The following M1AP variants were observed in gnomAD, a reference collection of about 807,000 sequenced individuals.
M1AP encodes the protein meiosis 1 associated protein.
M1AP carries 39 observed loss-of-function variants against 51.2 expected under a neutral mutation model. That is an observed-to-expected ratio of 0.76 (90% CI 0.59 to 1.00). The LOEUF (loss-of-function observed/expected upper bound fraction) is 1.00, where lower values mean the gene tolerates loss of function less well. Among genes scored for constraint, M1AP ranks in the 50% least tolerant of loss-of-function variants. The pLI, the probability that M1AP is intolerant of heterozygous loss-of-function variation, is 0.00. For missense variants in M1AP, 545 were observed against 641.2 expected, an observed-to-expected ratio of 0.85 and a Z score of 1.62; for synonymous variants, 251 against 249.2, an observed-to-expected ratio of 1.01 and a Z score of -0.07.
At chr2:74,571,141 T>A (rs1050868655) in intron 7 of M1AP, among the ~76,000 whole-genome samples, 1 of 151,696 alleles carries the variant, frequency 6.6e-6, no homozygotes, top group Non-Finnish European at 1.5e-5. Flanking sequence ...GAGAGAGAGA[T>A]TGGAGGCAGG....
intron 2 of M1AP, among the ~76,000 whole-genome samples, chr2:74,624,621 CA>C (rs1682265713): frequency 6.6e-6 from 1 of 152,238 alleles, no homozygotes; most frequent in Admixed American, 6.5e-5. Flanking sequence ...GGTATTTTAT[CA>C]GCATAAATGT....
intron 2 of M1AP, among the ~76,000 whole-genome samples, chr2:74,638,998 A>G (rs1683139969): frequency 6.6e-6 from 1 of 152,228 alleles, no homozygotes; most frequent in African/African-American, 2.4e-5. Flanking sequence ...GTAACAATGC[A>G]CAGACAAAAT....
chr2:74,625,701 A>G (rs1682341577), intron 2 of M1AP, among the ~76,000 whole-genome samples: 2 of 152,218 alleles, frequency 1.3e-5, no homozygotes, highest in East Asian at 1.9e-4. Flanking sequence ...GTATAGGGAC[A>G]CCTAATGGTG....
intron 1 of M1AP, among the ~76,000 whole-genome samples, chr2:74,640,613 A>C (rs1169026256): frequency 1.3e-5 from 2 of 152,132 alleles, no homozygotes; most frequent in African/African-American, 4.8e-5. Context: ...GGTGCACACC[A>C]CCACGCCCAG....
In M1AP at chr2:74,569,377, C is replaced by CTTT. The variant is rs1196526014; in HGVS notation, c.1074+6058_1074+6060dup. Among the ~76,000 whole-genome samples the CTTT allele has an allele frequency of 1.6e-4, 21 of 128,676 alleles. 1 individual carries two copies. Among genetic ancestry groups the CTTT allele is most frequent in the Non-Finnish European group, 2.5e-4 (15 of 59,700 alleles). The allele number at this position is 128,676 out of a possible 152,430, so 84.4% of individuals were successfully genotyped here. A position where few individuals can be genotyped will look rare whatever the true frequency, so the allele number is the denominator to read the frequency against. ...GTCATGCACCTTCTCCCTCACTCTA[C>CTTT]TTTTTTTTTTTTTTTTTTTTTGAGA... On this transcript the variant is annotated intron_variant, in intron 7 of 10. Transcript: ENST00000421985.
At chr2:74,573,091 G>T (rs1678844795) in intron 7 of M1AP, among the ~76,000 whole-genome samples, 1 of 152,100 alleles carries the variant, frequency 6.6e-6, no homozygotes, top group South Asian at 2.1e-4. Context: ...CTGTTGCCCA[G>T]GCTGGAGTGC....
At chr2:74,631,265 TC>T (rs1682687317) in intron 2 of M1AP, among the ~76,000 whole-genome samples, 1 of 152,226 alleles carries the variant, frequency 6.6e-6, no homozygotes, top group Non-Finnish European at 1.5e-5. Flanking sequence ...TTTTATTTTT[TC>T]TGTATGTTTG....
intron 1 of M1AP, among the ~76,000 whole-genome samples, chr2:74,644,563 T>G: frequency 6.6e-6 from 1 of 151,464 alleles, no homozygotes; most frequent in East Asian, 1.9e-4. Context: ...AATACATAGA[T>G]AGATGTATTT....
chr2:74,561,127 A>AGGAGGAGGAGGAGGAGG (rs1677928690), intron 8 of M1AP, among the ~76,000 whole-genome samples: 1 of 22,372 alleles, frequency 4.5e-5, no homozygotes, highest in African/African-American at 1.9e-4. Flanking sequence ...GGAGGAGGAG[A>AGGAGGAGGAGGAGGAGG]AGGAGGAGGA....
intron 7 of M1AP, among the ~76,000 whole-genome samples, chr2:74,570,787 A>G (rs1007096326): frequency 6.6e-6 from 1 of 152,216 alleles, no homozygotes; most frequent in African/African-American, 2.4e-5. Context: ...AGGCTAAGGA[A>G]TATGGACTTT....
rs563889075 is a variant in M1AP at position 74,646,268 on chromosome 2, T to C, written c.-53+1997A>G. ...AAAAACAAAAACTGAAAGAGGAAAC[T>C]AGCCGATAAAAGGAGCAGCAAAGAA... is the stretch of plus-strand genomic sequence containing the variant. On this transcript the variant is annotated intron_variant, in intron 1 of 10. Transcript: ENST00000421985. 3.9e-5 allele frequency among the ~76,000 whole-genome samples: 6 copies of C among 152,248 alleles called. No homozygotes were observed. In the South Asian group the frequency reaches 1.2e-3, roughly 32 times the overall value.
At chr2:74,567,894 T>C (rs959375919) in intron 7 of M1AP, among the ~76,000 whole-genome samples, 2 of 152,080 alleles carry the variant, frequency 1.3e-5, no homozygotes, top group Non-Finnish European at 2.9e-5. Context: ...GAAAAGCAAG[T>C]GAAATACCTG....
chr2:74,568,287 A>G (rs1307663987), intron 7 of M1AP, among the ~76,000 whole-genome samples: 1 of 152,264 alleles, frequency 6.6e-6, no homozygotes, highest in Non-Finnish European at 1.5e-5. Context: ...TAAGTGGGTT[A>G]CAGTGGCCAG....
intron 3 of M1AP, among the ~76,000 whole-genome samples, chr2:74,608,788 T>C (rs1396276502): frequency 6.6e-6 from 1 of 152,260 alleles, no homozygotes; most frequent in African/African-American, 2.4e-5. Flanking sequence ...TTAATAGGTA[T>C]GTGGTGGTAT....
intron 4 of M1AP, among the ~76,000 whole-genome samples, chr2:74,602,163 C>T (rs567036912): frequency 1.3e-5 from 2 of 151,970 alleles, no homozygotes; most frequent in East Asian, 3.9e-4. Context: ...CTATTTTAGC[C>T]GATGTCACAG....
At chr2:74,637,776 C>T (rs1007126848) in intron 2 of M1AP, among the ~76,000 whole-genome samples, 19 of 152,114 alleles carry the variant, frequency 1.2e-4, no homozygotes, top group Admixed American at 9.2e-4. Context: ...TATCAGGTAC[C>T]ACTGTCTCTA....
In M1AP at chr2:74,573,586, C is replaced by T. The variant is rs547937235; in HGVS notation, c.1074+1852G>A. On this transcript the variant is annotated intron_variant, in intron 7 of 10. Coordinates refer to ENST00000421985, the MANE Select transcript of M1AP (RefSeq NM_001321739.2). ...CAGGCTGGTCTTGAACTCCTGGCCT[C>T]AAGTGATCCACCTGCCTTGGGCTCC... is the stretch of plus-strand genomic sequence containing the variant. 3.9e-5 allele frequency among the ~76,000 whole-genome samples: 6 copies of T among 152,282 alleles called. No homozygotes were observed. In the South Asian group the frequency reaches 1.2e-3, roughly 32 times the overall value.
chr2:74,623,681 A>AT (rs1216253236), intron 2 of M1AP, among the ~76,000 whole-genome samples: 1 of 151,900 alleles, frequency 6.6e-6, no homozygotes, highest in Non-Finnish European at 1.5e-5. Flanking sequence ...AAACTAATTA[A>AT]TTTTTTTTGA....
chr2:74,642,012 G>A (rs901850990), intron 1 of M1AP, among the ~76,000 whole-genome samples: 10 of 151,564 alleles, frequency 6.6e-5, no homozygotes, highest in Non-Finnish European at 1.3e-4. Context: ...TGCCTGGCTA[G>A]TTTTGTATTT....
Sources: gnomAD v4.1 joint callset for allele counts (sites outside exome capture counted in the v4.1 genomes callset) on GRCh38, gnomAD v4.1.1 for gene constraint, MANE v1.5 for transcripts, NCBI Gene and HGNC (gene_info 2026-07-23, HGNC 2026-07-21) for gene names.